CLYBL: variants seen among roughly 807,000 people sequenced by gnomAD.
CLYBL encodes citramalyl-CoA lyase, mitochondrial.
Under a neutral mutation model 38.9 loss-of-function variants are expected in CLYBL, and 31 were observed. The ratio of observed to expected loss-of-function variants is 0.80; its 90% confidence interval spans 0.60 to 1.08. The LOEUF is 1.08. CLYBL is among the 50% of genes least tolerant of loss of function. The probability of loss-of-function intolerance (pLI) is 0.00; values close to 1 mark genes in which losing one functional copy is unlikely to be tolerated. For synonymous variants in CLYBL, 171 were observed against 158.6 expected, an observed-to-expected ratio of 1.08 and a Z score of -0.59; for missense variants, 434 against 411.6, an observed-to-expected ratio of 1.05 and a Z score of -0.47.
intron 2 of CLYBL, among the ~76,000 whole-genome samples, chr13:99,851,028 T>G (rs1477172199): frequency 6.6e-6 from 1 of 151,692 alleles, no homozygotes. Flanking sequence ...CAGGGGAAAA[T>G]AGGGAGTTGA....
chr13:99,831,164 G>C (rs1057215524), intron 2 of CLYBL, among the ~76,000 whole-genome samples: 1 of 152,218 alleles, frequency 6.6e-6, no homozygotes, highest in African/African-American at 2.4e-5. Context: ...GGATCCGCTA[G>C]AGAGGGACTG....
intron 7 of CLYBL, among the ~76,000 whole-genome samples, chr13:99,890,288 G>A (rs1219420813): frequency 6.6e-6 from 1 of 152,010 alleles, no homozygotes; most frequent in Non-Finnish European, 1.5e-5. Context: ...ACTACTCTGA[G>A]CCTCAGTTTC....
chr13:99,644,004 C>CAA (rs71118498), intron 1 of CLYBL, among the ~76,000 whole-genome samples: 18 of 88,968 alleles, frequency 2.0e-4, no homozygotes, highest in African/African-American at 2.9e-4. Context: ...GACTCTGTCT[C>CAA]AAAAAAAAAA....
At chr13:99,697,103 T>A (rs1301274983) in intron 1 of CLYBL, among the ~76,000 whole-genome samples, 1 of 152,178 alleles carries the variant, frequency 6.6e-6, no homozygotes, top group African/African-American at 2.4e-5. Context: ...TAGTTGATAT[T>A]TGGGGTGTAT....
At chr13:99,828,234 G>C (rs78047854) in intron 2 of CLYBL, among the ~76,000 whole-genome samples, 68 of 152,324 alleles carry the variant, frequency 4.5e-4, no homozygotes, top group African/African-American at 1.6e-3. Context: ...CACAGTTTCA[G>C]CTAAGTCAGA....
chr13:99,887,078 G>T (rs567430095), intron 7 of CLYBL, among the ~76,000 whole-genome samples: 10 of 152,334 alleles, frequency 6.6e-5, no homozygotes, highest in African/African-American at 2.4e-4. Flanking sequence ...TTATAGACCT[G>T]CATATCCAAG....
At chr13:99,730,082 G>A (rs1339069890) in intron 1 of CLYBL, among the ~76,000 whole-genome samples, 2 of 152,240 alleles carry the variant, frequency 1.3e-5, no homozygotes, top group Non-Finnish European at 1.5e-5. Context: ...AGCGTGGCCA[G>A]TGCTGCGACC....
chr13:99,665,861 G>A (rs780259774), intron 1 of CLYBL, among the ~76,000 whole-genome samples: 1 of 152,208 alleles, frequency 6.6e-6, no homozygotes, highest in Non-Finnish European at 1.5e-5. Flanking sequence ...CCGTTCAGCC[G>A]TTTGATGGAA....
At chr13:99,872,464 ACT>A (rs749687372) in intron 7 of CLYBL, among the ~76,000 whole-genome samples, 14 of 152,084 alleles carry the variant, frequency 9.2e-5, no homozygotes, top group Non-Finnish European at 8.8e-5. Flanking sequence ...AGAGCCACGG[ACT>A]CTCATTCACA....
At chr13:99,717,133 A>C (rs1303426564) in intron 1 of CLYBL, among the ~76,000 whole-genome samples, 1 of 151,356 alleles carries the variant, frequency 6.6e-6, no homozygotes, top group African/African-American at 2.4e-5. Flanking sequence ...GATATGAATT[A>C]TCTGTTTCTT....
intron 1 of CLYBL, among the ~76,000 whole-genome samples, chr13:99,670,514 C>G (rs1566605054): frequency 6.6e-6 from 1 of 152,152 alleles, no homozygotes; most frequent in Non-Finnish European, 1.5e-5. Context: ...GCTCTAAAAA[C>G]AGGCATCTAC....
At chr13:99,672,533 G>T (rs560949013) in intron 1 of CLYBL, among the ~76,000 whole-genome samples, 1 of 152,082 alleles carries the variant, frequency 6.6e-6, no homozygotes, top group East Asian at 1.9e-4. Flanking sequence ...CAGCACTTTG[G>T]GAGGCTTCAG....
At chr13:99,637,799 A>G (rs565680705) in intron 1 of CLYBL, among the ~76,000 whole-genome samples, 8 of 152,236 alleles carry the variant, frequency 5.3e-5, no homozygotes, top group African/African-American at 1.9e-4. Context: ...CAAAGTGTGA[A>G]TATATATTTA....
At chr13:99,877,358 C>T (rs566770129) in intron 7 of CLYBL, among the ~76,000 whole-genome samples, 41 of 152,204 alleles carry the variant, frequency 2.7e-4, no homozygotes, top group South Asian at 2.3e-3. Flanking sequence ...ATGGATGGGT[C>T]TGTGTGTGTA....
intron 2 of CLYBL, among the ~76,000 whole-genome samples, chr13:99,816,149 G>T (rs993486720): frequency 2.6e-5 from 4 of 152,186 alleles, no homozygotes; most frequent in Non-Finnish European, 5.9e-5. Context: ...TTTTCACATT[G>T]TCCAGTCTAA....
rs1176059783 is a variant in CLYBL, at chr13:99,661,507, A to AT, written c.62+54757dup. 9.9e-5 allele frequency among the ~76,000 whole-genome samples: 15 copies of AT among 152,212 alleles called. No individual in the cohort carries two copies. The East Asian group carries it at 1.7e-3, about 18-fold the overall frequency. The stretch of plus-strand genomic sequence containing the variant: ...AATGTCTTTTTAAACCTGTATATTT[A>AT]TTTTTTTATCCCTTTTTGCATATGC... On this transcript the variant is annotated intron_variant, in intron 1 of 8. Transcript: ENST00000339105.
At chr13:99,895,460 T>A (rs1197290617), downstream of CLYBL, 1 of 152,206 alleles carries the variant, frequency 6.6e-6, no homozygotes, top group Non-Finnish European at 1.5e-5. Context: ...TCCCAGCTCG[T>A]CTTCGCGGGG....
intron 1 of CLYBL, among the ~76,000 whole-genome samples, chr13:99,740,564 T>C (rs4483710): frequency 0.057 from 8,616 of 152,302 alleles, 284 homozygotes; most frequent in East Asian, 0.11. Flanking sequence ...CGGTCTTGCC[T>C]TAGTTCATAT....
At chr13:99,876,644 C>T (rs1345751048) in intron 7 of CLYBL, among the ~76,000 whole-genome samples, 3 of 152,002 alleles carry the variant, frequency 2.0e-5, no homozygotes, top group Admixed American at 2.0e-4. Context: ...TAGTCAGATG[C>T]CTTCAGTTTA....
Sources: allele counts gnomAD v4.1 joint callset (sites outside exome capture counted in the v4.1 genomes callset), GRCh38; gene constraint gnomAD v4.1.1; transcripts MANE v1.5; gene names NCBI Gene and HGNC (gene_info 2026-07-23, HGNC 2026-07-21).